TUT4: variants seen among roughly 807,000 people sequenced by gnomAD.
TUT4 encodes terminal uridylyltransferase 4.
A neutral mutation model predicts 192.2 loss-of-function variants in TUT4; 36 were observed. That is an observed-to-expected ratio of 0.19 (90% CI 0.14 to 0.25). The LOEUF is 0.25. Ranked by LOEUF, TUT4 falls within the 10% of genes least tolerant of loss-of-function variation. The pLI is 1.00. For missense variants in TUT4, 1,493 were observed against 1,957.2 expected (o/e 0.76, Z 4.47); for synonymous variants, 618 against 666.0 (o/e 0.93, Z 1.11).
At chr1:52,508,548 C>A (rs1397256453) in intron 4 of TUT4, among the ~76,000 whole-genome samples, 1 of 152,068 alleles carries the variant, frequency 6.6e-6, no homozygotes, top group Admixed American at 6.6e-5. Context: ...ACAAAAATAA[C>A]TAAATATGCC....
rs527888882 is a variant in TUT4 at position 52,438,830 on chromosome 1, G to A, written c.3823-495C>T. 5.9e-5 allele frequency among the ~76,000 whole-genome samples: 9 copies of A among 152,332 alleles called. No individual in the cohort carries two copies. In the East Asian group the frequency reaches 1.4e-3, roughly 23 times the overall value. On this transcript the variant is annotated intron_variant, in intron 24 of 29. Coordinates refer to ENST00000257177, the MANE Select transcript of TUT4 (RefSeq NM_001009881.3). ...CATGCCTGTAATCCCAACACTTTGG[G>A]AGGCTGAGGCAGGGGGATCACCTGA...
chr1:52,425,543 A>C (rs1270335991), intron 28 of TUT4, 36 bp from the exon 29 acceptor site: 1 of 1,570,282 alleles, frequency 6.4e-7, no homozygotes, highest in African/African-American at 1.4e-5. Flanking sequence ...ACATTTAAAA[A>C]CATTAGTTCA....
chr1:52,435,619 T>C (rs1653501199), intron 26 of TUT4, among the ~76,000 whole-genome samples, 154 bp from the exon 27 acceptor site: 1 of 152,226 alleles, frequency 6.6e-6, no homozygotes, highest in South Asian at 2.1e-4. Context: ...ACGAAGGACT[T>C]GCAGCAACTG....
At chr1:52,529,233 C>T (rs1285528077) in intron 1 of TUT4, among the ~76,000 whole-genome samples, 1 of 151,682 alleles carries the variant, frequency 6.6e-6, no homozygotes, top group African/African-American at 2.4e-5. Context: ...ACATTTTCAC[C>T]ATTAATATTT....
chr1:52,526,867 A>C (rs984953245), intron 1 of TUT4, among the ~76,000 whole-genome samples: 1 of 152,120 alleles, frequency 6.6e-6, no homozygotes. Context: ...TCTACTAAAA[A>C]TACAAAAATT....
chr1:52,518,618 A>C (rs183540553), intron 2 of TUT4, among the ~76,000 whole-genome samples: 9 of 152,232 alleles, frequency 5.9e-5, no homozygotes, highest in African/African-American at 2.2e-4. Flanking sequence ...AATCCAGTCC[A>C]TAACAACAGC....
intron 20 of TUT4, among the ~76,000 whole-genome samples, chr1:52,448,243 C>T (rs1658173841): frequency 6.6e-6 from 1 of 152,132 alleles, no homozygotes. Context: ...TAAACAGATA[C>T]AGTTTACTAA....
At chr1:52,487,176 T>G (rs945500628) in intron 9 of TUT4, among the ~76,000 whole-genome samples, 3 of 152,196 alleles carry the variant, frequency 2.0e-5, no homozygotes, top group African/African-American at 7.2e-5. Flanking sequence ...CTGGGTGCTG[T>G]GGCTCACACC....
chr1:52,488,968 G>A lies in TUT4; in HGVS notation c.1456C>T (p.Leu486Phe). ...ATAAAGACAGGTTCTATTTTGCCAA[G>A]GGCAGTAAGTAAATCAGTAGTGAGA... Reference protein sequence around the residue: ...ACLTTDLLTALGKIEPVFIPL... With the variant: ...ACLTTDLLTAFGKIEPVFIPL... The change falls in exon 9 of 30, where the codon CTT (leucine) becomes TTT (phenylalanine). Residue 486 changes from leucine to phenylalanine, a missense_variant. Physicochemically the swap from Leu to Phe is conservative, Grantham distance 22. Transcript: ENST00000257177. The A allele has an allele frequency of 6.2e-7, 1 of 1,613,760 alleles. No individual in the cohort carries two copies. The highest frequency in any genetic ancestry group is 8.5e-7 in the Non-Finnish European group (1 of 1,179,850).
At chr1:52,458,602 G>A (rs1280100533) in intron 19 of TUT4, among the ~76,000 whole-genome samples, 153 bp from the exon 20 acceptor site, 6 of 152,054 alleles carry the variant, frequency 3.9e-5, no homozygotes, top group African/African-American at 1.4e-4. Context: ...AACACTCTGG[G>A]AGGTTGAGGT....
At chr1:52,493,913 A>G (rs901821964) in intron 6 of TUT4, among the ~76,000 whole-genome samples, 3 of 151,308 alleles carry the variant, frequency 2.0e-5, no homozygotes, top group Non-Finnish European at 2.9e-5. Context: ...CTCCTGCCTC[A>G]GCATCCCGAG....
At chr1:52,457,222 TTTTTCTTTTTTTTC>T (rs1478411775) in intron 20 of TUT4, among the ~76,000 whole-genome samples, 1 of 151,898 alleles carries the variant, frequency 6.6e-6, no homozygotes, top group Admixed American at 6.6e-5. Flanking sequence ...AATTTTGTGA[TTTTTCTTTTTTTTC>T]TTTTCTTTTT....
intron 2 of TUT4, among the ~76,000 whole-genome samples, chr1:52,517,581 A>C (rs1483918501): frequency 6.6e-6 from 1 of 152,208 alleles, no homozygotes; most frequent in Non-Finnish European, 1.5e-5. Context: ...AGAGCACAGG[A>C]GTTTCTAGAC....
intron 1 of TUT4, among the ~76,000 whole-genome samples, 192 bp from the exon 2 acceptor site, chr1:52,526,565 T>C (rs1408248914): frequency 6.6e-6 from 1 of 150,730 alleles, no homozygotes; most frequent in Non-Finnish European, 1.5e-5. Context: ...AGCCAAATGC[T>C]CATCAAGGGA....
chr1:52,540,015 G>C (rs993156426), intron 1 of TUT4, among the ~76,000 whole-genome samples: 2 of 135,246 alleles, frequency 1.5e-5, no homozygotes, highest in African/African-American at 5.6e-5. Flanking sequence ...TCAGGAGATC[G>C]AGACCATCCT....
Position 52,475,101 on chromosome 1 carries a change from C to T in TUT4, c.2458G>A (p.Ala820Thr), listed in dbSNP as rs753711744. 3.1e-6 allele frequency: 5 copies of T among 1,614,122 alleles called. No homozygotes were observed. Among genetic ancestry groups the T allele is most frequent in the South Asian group, 2.2e-5 (2 of 91,076 alleles). ...PKLDKKQDDL[A>T]PSETCLKKEL... ...TTTTTTAAACAAGTTTCTGAAGGCGCTAAATCATCTTGTTTCTTATCTAAT... is the reference window on the plus strand; with the variant it reads ...TTTTTTAAACAAGTTTCTGAAGGCGTTAAATCATCTTGTTTCTTATCTAAT... Residue 820 changes from alanine to threonine, a missense_variant, in exon 13 of 30, where the codon GCG becomes ACG. Physicochemically the swap from Ala to Thr is moderately conservative, Grantham distance 58. Coordinates refer to ENST00000257177, the MANE Select transcript of TUT4 (RefSeq NM_001009881.3).
Position 52,431,329 on chromosome 1 carries a change from T to C in TUT4, c.4395A>G (p.Gln1465=), listed in dbSNP as rs1466247553. Residue 1465 remains glutamine, a synonymous_variant, in exon 28 of 30, where the codon CAA becomes CAG. Coordinates refer to ENST00000257177, the MANE Select transcript of TUT4 (RefSeq NM_001009881.3). ...GTGGCATCTGGACCTGATGGGGAGG[T>C]TGGGCTCCCTGCTGAGGTGGGCCAA... ...PKLGPPQQGA[Q]PPHQVQMPLY... The C allele has an allele frequency of 9.3e-6, 15 of 1,613,992 alleles. No individual in the cohort carries two copies. Among genetic ancestry groups the C allele is most frequent in the Non-Finnish European group, 1.3e-5 (15 of 1,179,994 alleles).
intron 3 of TUT4, among the ~76,000 whole-genome samples, chr1:52,512,407 G>C (rs1387192063): frequency 6.6e-6 from 1 of 152,176 alleles, no homozygotes; most frequent in Non-Finnish European, 1.5e-5. Flanking sequence ...TTACTGATGA[G>C]TAAACTGATG....
intron 13 of TUT4, among the ~76,000 whole-genome samples, chr1:52,474,395 T>TC (rs1448872165): frequency 2.0e-5 from 3 of 152,036 alleles, no homozygotes; most frequent in Admixed American, 6.6e-5. Flanking sequence ...TGCTTATATT[T>TC]CCCCCCTCTA....
Sources: allele counts gnomAD v4.1 joint callset (sites outside exome capture counted in the v4.1 genomes callset), GRCh38; gene constraint gnomAD v4.1.1; transcripts MANE v1.5; gene names NCBI Gene and HGNC (gene_info 2026-07-23, HGNC 2026-07-21).